Variants in TFPI observed in about 807,000 individuals in gnomAD.
TFPI encodes anti-convertin.
TFPI carries 15 observed loss-of-function variants against 34.6 expected under a neutral mutation model. The ratio of observed to expected loss-of-function variants is 0.43; its 90% CI spans 0.29 to 0.67. The LOEUF is 0.67. Among genes scored for constraint, TFPI ranks in the 30% least tolerant of loss-of-function variants. The pLI is 0.15. For synonymous variants in TFPI, 105 were observed against 120.1 expected, an observed-to-expected ratio of 0.87 and a Z score of 0.82; for missense variants, 301 against 364.0, an observed-to-expected ratio of 0.83 and a Z score of 1.41.
intron 3 of TFPI, among the ~76,000 whole-genome samples, chr2:187,495,258 A>T (rs1685397271): frequency 6.6e-6 from 1 of 152,246 alleles, no homozygotes; most frequent in African/African-American, 2.4e-5. Flanking sequence ...AGGCCAGTTG[A>T]TGAAAATAAA....
chr2:187,485,520 A>G (rs1037433414), intron 4 of TFPI, among the ~76,000 whole-genome samples: 1 of 151,696 alleles, frequency 6.6e-6, no homozygotes, highest in African/African-American at 2.4e-5. Flanking sequence ...GCGGGAATTA[A>G]TATCTGTACT....
intron 1 of TFPI, among the ~76,000 whole-genome samples, chr2:187,551,625 A>G (rs1689099612): frequency 6.6e-6 from 1 of 152,136 alleles, no homozygotes; most frequent in South Asian, 2.1e-4. Flanking sequence ...TCAGAAAGCC[A>G]GGAAAGATGG....
intron 1 of TFPI, chr2:187,513,895 A>C (rs2106173684): frequency 6.6e-6 from 1 of 152,210 alleles, no homozygotes; most frequent in Non-Finnish European, 1.5e-5. Context: ...CCCTGTGGGG[A>C]CTTACCAAGT....
chr2:187,471,616 C>T (rs1692038620), intron 6 of TFPI, among the ~76,000 whole-genome samples: 1 of 151,420 alleles, frequency 6.6e-6, no homozygotes, highest in Non-Finnish European at 1.5e-5. Context: ...TGTGTACCTT[C>T]TGTCTACAGG....
chr2:187,546,549 C>T (rs549974295), intron 1 of TFPI, among the ~76,000 whole-genome samples: 3 of 150,550 alleles, frequency 2.0e-5, no homozygotes, highest in East Asian at 2.0e-4. Flanking sequence ...GAATAAAAAA[C>T]GAATGCAAGA....
rs1691711934 is a variant in TFPI at position 187,466,170 on chromosome 2, A to C, written c.*766T>G. ...AGCATAGTATTAAGAAGTACATATAAATAATTCCCTCTCGATTGCCATAAA... is the reference window on the plus strand; with the variant it reads ...AGCATAGTATTAAGAAGTACATATACATAATTCCCTCTCGATTGCCATAAA... On this transcript the variant is annotated 3_prime_UTR_variant, in exon 8 of 8. Coordinates refer to ENST00000233156, the MANE Select transcript of TFPI (RefSeq NM_006287.6). 6.6e-6 allele frequency: 1 copy of C among 152,170 alleles called. No individual in the cohort carries two copies. The highest frequency in any genetic ancestry group is 1.5e-5 in the Non-Finnish European group (1 of 68,026). 9.4% of individuals were successfully genotyped at this position (152,170 alleles called of 1,614,324 possible).
chr2:187,551,631 G>T (rs981299726), intron 1 of TFPI, among the ~76,000 whole-genome samples: 3 of 152,092 alleles, frequency 2.0e-5, no homozygotes, highest in African/African-American at 7.2e-5. Context: ...AGCCAGGAAA[G>T]ATGGTCTATT....
intron 6 of TFPI, among the ~76,000 whole-genome samples, chr2:187,468,631 A>G (rs1212842396): frequency 1.3e-5 from 2 of 152,120 alleles, no homozygotes; most frequent in Admixed American, 6.6e-5. Context: ...TGGTTTGTCA[A>G]TGGGATCAAT....
intron 2 of TFPI, among the ~76,000 whole-genome samples, chr2:187,502,759 G>T (rs1419177971): frequency 1.3e-5 from 2 of 152,056 alleles, no homozygotes; most frequent in East Asian, 1.9e-4. Flanking sequence ...TGAGATTCTT[G>T]AGCACCTCAT....
At chr2:187,543,414 A>T (rs1186600769) in intron 1 of TFPI, among the ~76,000 whole-genome samples, 1 of 152,254 alleles carries the variant, frequency 6.6e-6, no homozygotes, top group Non-Finnish European at 1.5e-5. Context: ...ACACAAAAAT[A>T]GATGCATAAT....
chr2:187,467,990 G>T, intron 6 of TFPI, 58 bp from the exon 7 acceptor site: 1 of 1,412,266 alleles, frequency 7.1e-7, no homozygotes, highest in African/African-American at 1.4e-5. Context: ...TCAGGTTTTC[G>T]TATTGTATAT....
chr2:187,538,114 G>T (rs1688365978), intron 1 of TFPI, among the ~76,000 whole-genome samples: 1 of 152,144 alleles, frequency 6.6e-6, no homozygotes, highest in Non-Finnish European at 1.5e-5. Flanking sequence ...TGGAGTAATA[G>T]GAATGCTTTT....
intron 1 of TFPI, among the ~76,000 whole-genome samples, chr2:187,528,581 T>G (rs1399726435): frequency 1.3e-5 from 2 of 152,182 alleles, no homozygotes; most frequent in African/African-American, 4.8e-5. Flanking sequence ...GCCATTTTAT[T>G]ACTATAGGAA....
At chr2:187,467,611 A>G (rs1187817062) in intron 7 of TFPI, 142 bp downstream of exon 7, 5 of 673,960 alleles carry the variant, frequency 7.4e-6, no homozygotes, top group Middle Eastern at 4.5e-4. Context: ...TATTATCTAA[A>G]TGTAATTGAA....
At chr2:187,550,600 C>T (rs1024980928) in intron 1 of TFPI, among the ~76,000 whole-genome samples, 2 of 151,960 alleles carry the variant, frequency 1.3e-5, no homozygotes, top group African/African-American at 4.8e-5. Context: ...GAATATAACT[C>T]ATAATGAGAA....
chr2:187,534,749 G>T (rs1688149576), intron 1 of TFPI, among the ~76,000 whole-genome samples: 1 of 152,056 alleles, frequency 6.6e-6, no homozygotes, highest in African/African-American at 2.4e-5. Flanking sequence ...TGGGTTAAAT[G>T]CCCCAGTTAA....
intron 3 of TFPI, among the ~76,000 whole-genome samples, chr2:187,492,976 A>G (rs186251040): frequency 6.6e-6 from 1 of 152,184 alleles, no homozygotes; most frequent in Admixed American, 6.5e-5. Flanking sequence ...CAATGGATCT[A>G]CCATTCTGTG....
At chr2:187,491,972 A>G (rs1377062708) in intron 3 of TFPI, among the ~76,000 whole-genome samples, 2 of 152,076 alleles carry the variant, frequency 1.3e-5, no homozygotes, top group East Asian at 3.9e-4. Context: ...GCATTTTTTC[A>G]TATGCTTGTT....
chr2:187,509,900 T>G (rs1686503171), intron 1 of TFPI, among the ~76,000 whole-genome samples: 1 of 152,200 alleles, frequency 6.6e-6, no homozygotes, highest in Admixed American at 6.5e-5. Flanking sequence ...AAAGCCAAAC[T>G]ACATTCCTTA....
Sources: allele counts gnomAD v4.1 joint callset (sites outside exome capture counted in the v4.1 genomes callset), GRCh38; gene constraint gnomAD v4.1.1; transcripts MANE v1.5; gene names NCBI Gene and HGNC (gene_info 2026-07-23, HGNC 2026-07-21).